Variants in MYO3A observed in about 807,000 individuals in gnomAD.
MYO3A encodes the protein myosin-IIIa.
Under a neutral mutation model 192.7 loss-of-function variants are expected in MYO3A, and 180 were observed. The ratio of observed to expected loss-of-function variants is 0.93; its 90% CI spans 0.83 to 1.06. MYO3A has a LOEUF of 1.06. Ranked by LOEUF, MYO3A falls within the 50% of genes least tolerant of loss-of-function variation. The pLI, the probability that MYO3A is intolerant of heterozygous loss-of-function variation, is 0.00. For synonymous variants in MYO3A, 628 were observed against 645.3 expected (o/e 0.97, Z 0.41); for missense variants, 1,896 against 1,905.0 (o/e 1.00, Z 0.09).
intron 30 of MYO3A, among the ~76,000 whole-genome samples, chr10:26,175,770 G>C (rs1305261229): frequency 6.6e-6 from 1 of 152,174 alleles, no homozygotes; most frequent in Non-Finnish European, 1.5e-5. Context: ...CTGCTATGCC[G>C]TGGAGACATG....
intron 29 of MYO3A, 54 bp downstream of exon 29, chr10:26,170,593 T>A: frequency 6.4e-7 from 1 of 1,550,428 alleles, no homozygotes; most frequent in African/African-American, 1.4e-5. Flanking sequence ...TTCAGATCTG[T>A]AAGGTCATAG....
In MYO3A at chr10:26,096,418, G is replaced by A. The variant is rs1441158120; in HGVS notation, c.1600G>A (p.Ala534Thr). The change falls in exon 16 of 35, where the codon GCT (alanine) becomes ACT (threonine). Residue 534 changes from alanine to threonine, a missense_variant. Ala to Thr is a moderately conservative substitution (Grantham distance 58). Transcript: ENST00000642920. ...KNFHIFYYIY[A>T]GLAEKKKLAH... ...TTTTCATATTTTTTACTACATTTAT[G>A]CTGGTTTGGCTGAAAAGAAGAAACT... is the stretch of plus-strand genomic sequence containing the variant. 6.2e-7 allele frequency: 1 copy of A among 1,613,092 alleles called. No individual in the cohort carries two copies. Among genetic ancestry groups the A allele is most frequent in the African/African-American group, 1.3e-5 (1 of 74,826 alleles).
chr10:26,046,394 T>C (rs1172642951), intron 10 of MYO3A, among the ~76,000 whole-genome samples: 1 of 152,174 alleles, frequency 6.6e-6, no homozygotes, highest in Non-Finnish European at 1.5e-5. Flanking sequence ...GTGTTAATTG[T>C]GGTGTGAGAG....
intron 31 of MYO3A, among the ~76,000 whole-genome samples, chr10:26,192,168 G>C (rs569252841): frequency 6.6e-6 from 1 of 152,210 alleles, no homozygotes; most frequent in South Asian, 2.1e-4. Flanking sequence ...ACATCCAAGT[G>C]TACAGATCAC....
intron 23 of MYO3A, 124 bp from the exon 24 acceptor site, chr10:26,153,726 C>G (rs987394574): frequency 3.1e-6 from 2 of 637,450 alleles, no homozygotes; most frequent in Non-Finnish European, 5.6e-6. Flanking sequence ...AATAGTTAAC[C>G]AAGCATATGA....
chr10:26,126,561 A>C (rs567831333), intron 19 of MYO3A, among the ~76,000 whole-genome samples: 1 of 152,206 alleles, frequency 6.6e-6, no homozygotes, highest in African/African-American at 2.4e-5. Context: ...TCCCATTACA[A>C]TGTAATGGTC....
intron 34 of MYO3A, chr10:26,204,498 T>G (rs1202588384): frequency 6.6e-6 from 1 of 152,270 alleles, no homozygotes; most frequent in Non-Finnish European, 1.5e-5. Flanking sequence ...TGCTAGCAGC[T>G]AGTATTGTTG....
chr10:26,101,466 T>C lies in MYO3A; in HGVS notation c.1776+4784T>C, dbSNP rs372660964. Among the ~76,000 whole-genome samples the C allele has an allele frequency of 2.0e-5, 3 of 152,254 alleles. No individual in the cohort carries two copies. In the South Asian group the frequency reaches 6.2e-4, roughly 31 times the overall value. ...GATGTTACCTGGTTATTTTGCTTGT[T>C]CTTTGATGCAGTTTCTTCCTAGCGT... On this transcript the variant is annotated intron_variant, in intron 17 of 34. Coordinates refer to ENST00000642920, the MANE Select transcript of MYO3A (RefSeq NM_017433.5).
intron 10 of MYO3A, among the ~76,000 whole-genome samples, chr10:26,031,312 A>C (rs1467813413): frequency 2.6e-5 from 4 of 152,224 alleles, no homozygotes; most frequent in African/African-American, 9.6e-5. Flanking sequence ...ACCAGCTAAA[A>C]GGCTGCCACT....
chr10:26,045,615 G>C (rs895328753), intron 10 of MYO3A, among the ~76,000 whole-genome samples: 1 of 152,154 alleles, frequency 6.6e-6, no homozygotes, highest in Non-Finnish European at 1.5e-5. Context: ...TTTTGTTATA[G>C]TGTTGGGGTG....
At chr10:26,182,276 T>TA (rs1564627844) in intron 31 of MYO3A, among the ~76,000 whole-genome samples, 2 of 152,198 alleles carry the variant, frequency 1.3e-5, no homozygotes, top group Non-Finnish European at 2.9e-5. Context: ...CCACATGTGG[T>TA]AAGACTAGAG....
In MYO3A at chr10:26,070,211, A is replaced by G; in HGVS notation, c.1271A>G (p.Asp424Gly). 6.2e-7 allele frequency: 1 copy of G among 1,607,684 alleles called. No homozygotes were observed. The highest frequency in any genetic ancestry group is 8.5e-7 in the Non-Finnish European group (1 of 1,174,358). The change falls in exon 13 of 35, where the codon GAT becomes GGT. Residue 424 changes from aspartate to glycine, a missense_variant. Asp to Gly is a moderately conservative substitution (Grantham distance 94, BLOSUM62 -1). Transcript: ENST00000642920. ...GYQSMITYNS[D>G]QCIVISGESG... ...CAATCTATGATAACATATAATTCAG[A>G]TCAGGTAAGAAGAGTCTCCCATTCT...
intron 6 of MYO3A, among the ~76,000 whole-genome samples, chr10:25,999,910 G>C (rs947969207): frequency 6.6e-6 from 1 of 152,168 alleles, no homozygotes; most frequent in African/African-American, 2.4e-5. Flanking sequence ...CTCTCTGTTA[G>C]ATATCGCCAA....
chr10:26,174,231 A>G lies in MYO3A; in HGVS notation c.3967A>G (p.Arg1323Gly). 5.6e-6 allele frequency: 9 copies of G among 1,614,090 alleles called. No homozygotes were observed. Among genetic ancestry groups the G allele is most frequent in the Non-Finnish European group, 7.6e-6 (9 of 1,179,934 alleles). ...RAPICSQEEG[R>G]GRLRHETVKE... is the part of the protein sequence containing the mutation. ...ACCGATATGCAGCCAGGAGGAAGGC[A>G]GAGGCCGTCTGAGGCATGAGACAGT... The change falls in exon 30 of 35, where the codon AGA becomes GGA. Residue 1323 changes from arginine (R) to glycine (G), a missense_variant. Arg to Gly is a moderately radical substitution (Grantham distance 125, BLOSUM62 -2). Coordinates refer to ENST00000642920, the MANE Select transcript of MYO3A (RefSeq NM_017433.5).
intron 10 of MYO3A, among the ~76,000 whole-genome samples, chr10:26,048,540 C>T (rs1002178136): frequency 1.4e-5 from 2 of 138,820 alleles, no homozygotes; most frequent in African/African-American, 5.1e-5. Flanking sequence ...AGATTATATA[C>T]ATACATATAT....
intron 34 of MYO3A, among the ~76,000 whole-genome samples, chr10:26,206,511 C>T (rs936298729): frequency 3.3e-4 from 49 of 149,644 alleles, no homozygotes; most frequent in Non-Finnish European, 6.0e-4. Context: ...TTCAATGGCA[C>T]GATCTTAGCT....
chr10:25,989,333 G>A (rs965576824), intron 4 of MYO3A, among the ~76,000 whole-genome samples: 1 of 148,130 alleles, frequency 6.8e-6, no homozygotes, highest in African/African-American at 2.5e-5. Context: ...GAGTACTTTT[G>A]TGAGCCAGCA....
At chr10:26,205,074 G>A (rs765225241) in intron 34 of MYO3A, among the ~76,000 whole-genome samples, 2 of 152,202 alleles carry the variant, frequency 1.3e-5, no homozygotes, top group Non-Finnish European at 2.9e-5. Flanking sequence ...GCGCGAGAGG[G>A]TGTAAGTCTG....
chr10:26,169,012 C>A, intron 28 of MYO3A, 138 bp downstream of exon 28: 1 of 792,618 alleles, frequency 1.3e-6, no homozygotes, highest in Non-Finnish European at 2.0e-6. Context: ...TATATTAAAT[C>A]TAAGTCAAAT....
Sources: gnomAD v4.1 joint callset for allele counts (sites outside exome capture counted in the v4.1 genomes callset) on GRCh38, gnomAD v4.1.1 for gene constraint, MANE v1.5 for transcripts, NCBI Gene and HGNC (gene_info 2026-07-23, HGNC 2026-07-21) for gene names.